CLEC17A: variants seen among roughly 807,000 people sequenced by gnomAD.
The protein encoded by CLEC17A is C-type lectin domain containing 17A, also known as C-type lectin domain family 17, member A.
In CLEC17A, 37 loss-of-function variants were observed where a neutral mutation model predicts 61.3. The ratio of observed to expected loss-of-function variants is 0.60; its 90% CI spans 0.46 to 0.79. CLEC17A has a LOEUF of 0.79. CLEC17A is among the 30% of genes least tolerant of loss of function. CLEC17A has a pLI of 0.00. For synonymous variants in CLEC17A, 168 were observed against 164.9 expected, an observed-to-expected ratio of 1.02 and a Z score of -0.14; for missense variants, 418 against 464.7, an observed-to-expected ratio of 0.90 and a Z score of 0.92.
At chr19:14,596,529 A>G (rs1043142335) in intron 8 of CLEC17A, among the ~76,000 whole-genome samples, 2 of 152,058 alleles carry the variant, frequency 1.3e-5, no homozygotes, top group Non-Finnish European at 2.9e-5. Context: ...AGCTACTTGA[A>G]AGGGTGAGGT....
At chr19:14,595,455 A>C (rs2074520413) in intron 8 of CLEC17A, 140 bp downstream of exon 8, 1 of 854,996 alleles carries the variant, frequency 1.2e-6, no homozygotes, top group African/African-American at 1.7e-5. Context: ...GTTCTGAGTT[A>C]GTCTAGTGAG....
At chr19:14,599,684 G>T in intron 10 of CLEC17A, 33 bp from the exon 11 acceptor site, 1 of 1,534,782 alleles carries the variant, frequency 6.5e-7, no homozygotes. Context: ...TGGGTTCTCA[G>T]TCTGTAGCCC....
chr19:14,592,320 A>G lies in CLEC17A; in HGVS notation c.239A>G (p.Asn80Ser). The change falls in exon 4 of 14, where the codon AAC (asparagine) becomes AGC (serine). Residue 80 changes from asparagine to serine, a missense_variant. Coordinates refer to ENST00000417570, the MANE Select transcript of CLEC17A (RefSeq NM_001204118.2). ...EEEEEDDDYE[N>S]STPPYKDLPP... is the part of the protein sequence containing the mutation. The stretch of plus-strand genomic sequence containing the variant: ...GAGGAGGAGGATGATGACTATGAGA[A>G]CTCAACACCTCCCTACAAGGACCTT... 3 of 1,604,224 alleles carry G rather than the reference A, an allele frequency of 1.9e-6. No individual in the cohort carries two copies. Among genetic ancestry groups the G allele is most frequent in the Non-Finnish European group, 2.6e-6 (3 of 1,175,372 alleles).
chr19:14,591,531 G>T (rs1002740476), intron 3 of CLEC17A, among the ~76,000 whole-genome samples: 4 of 150,480 alleles, frequency 2.7e-5, no homozygotes, highest in Non-Finnish European at 5.9e-5. Flanking sequence ...TGCAATGGGG[G>T]CTATTGTCAT....
At chr19:14,592,929 G>C (rs145633108) in intron 4 of CLEC17A, among the ~76,000 whole-genome samples, 2 of 152,094 alleles carry the variant, frequency 1.3e-5, no homozygotes, top group African/African-American at 4.8e-5. Flanking sequence ...GCATCCCAAA[G>C]TGCTGGGATT....
intron 4 of CLEC17A, 87 bp from the exon 5 acceptor site, chr19:14,594,430 A>C: frequency 2.7e-6 from 4 of 1,493,938 alleles, no homozygotes; most frequent in Non-Finnish European, 3.6e-6. Context: ...CCAATCCTCC[A>C]CTGCAATCCT....
chr19:14,599,942 A>C (rs1028395574), intron 11 of CLEC17A, 89 bp from the exon 12 acceptor site: 1 of 1,544,084 alleles, frequency 6.5e-7, no homozygotes, highest in African/African-American at 1.4e-5. Context: ...GGAGTTGAGC[A>C]GTGTACAGCC....
chr19:14,597,755 A>T (rs2074584561), intron 10 of CLEC17A, among the ~76,000 whole-genome samples: 1 of 151,482 alleles, frequency 6.6e-6, no homozygotes, highest in Admixed American at 6.6e-5. Context: ...GCATGCCATC[A>T]CACCCGGCTG....
At chr19:14,582,677 G>A (rs187637937), upstream of CLEC17A, among the ~76,000 whole-genome samples, 6 of 152,010 alleles carry the variant, frequency 3.9e-5, 1 homozygote, top group South Asian at 6.2e-4. Flanking sequence ...GCGTGATCTC[G>A]GCTAACTGCA....
At chr19:14,600,337 T>G (rs2074672898) in intron 12 of CLEC17A, among the ~76,000 whole-genome samples, 155 bp downstream of exon 12, 1 of 152,340 alleles carries the variant, frequency 6.6e-6, no homozygotes, top group East Asian at 1.9e-4. Context: ...GGTAGTATCA[T>G]GCAGAGGTTA....
At chr19:14,585,259 T>A (rs1460046795) in intron 2 of CLEC17A, among the ~76,000 whole-genome samples, 2 of 152,216 alleles carry the variant, frequency 1.3e-5, no homozygotes, top group Non-Finnish European at 2.9e-5. Context: ...AGCCTTGAGC[T>A]CCTGGGTCCA....
In CLEC17A at chr19:14,610,104, G is replaced by C; in HGVS notation, c.1045G>C (p.Asp349His). 1 of 1,612,982 alleles carries C rather than the reference G, an allele frequency of 6.2e-7. No homozygotes were observed. The highest frequency in any genetic ancestry group is 8.5e-7 in the Non-Finnish European group (1 of 1,179,514). Residue 349 changes from aspartate to histidine, a missense_variant, in exon 14 of 14, where the codon GAC becomes CAC. By Grantham distance (81) the Asp-to-His change is moderately conservative (BLOSUM62 -1). Coordinates refer to ENST00000417570, the MANE Select transcript of CLEC17A (RefSeq NM_001204118.2). ...PEEPNNIHDE[D>H]CATMNKGGTW... is the part of the protein sequence containing the mutation. ...GGAACCCAATAACATCCACGATGAG[G>C]ACTGTGCTACCATGAACAAAGGTGG...
intron 13 of CLEC17A, among the ~76,000 whole-genome samples, chr19:14,607,379 A>AT (rs1373187217): frequency 4.0e-5 from 6 of 149,552 alleles, no homozygotes; most frequent in Admixed American, 6.7e-5. Flanking sequence ...AATTTTTTGT[A>AT]TTTTTAGTAG....
Position 14,611,590 on chromosome 19 carries a change from C to T in CLEC17A, c.*1394C>T, listed in dbSNP as rs1284824824. ...GCATACCAGCTGAAAAGCAAGACCC[C>T]TACATAGTGTGGCCAGGCAGGCCAT... On this transcript the variant is annotated 3_prime_UTR_variant, in exon 14 of 14. Coordinates refer to ENST00000417570, the MANE Select transcript of CLEC17A (RefSeq NM_001204118.2). Among the ~76,000 whole-genome samples the T allele has an allele frequency of 6.6e-6, 1 of 152,008 alleles. No individual in the cohort carries two copies. The highest frequency in any genetic ancestry group is 1.9e-4 in the East Asian group (1 of 5,186).
At chr19:14,590,411 G>A (rs1200036952) in intron 3 of CLEC17A, among the ~76,000 whole-genome samples, 1 of 147,150 alleles carries the variant, frequency 6.8e-6, no homozygotes, top group African/African-American at 2.5e-5. Flanking sequence ...TTCTTGAGAC[G>A]GAGTTTCACT....
chr19:14,591,898 ATGTGTGTGTGTGTGTGTGTGTG>A (rs747656450), intron 3 of CLEC17A, among the ~76,000 whole-genome samples: 8 of 138,948 alleles, frequency 5.8e-5, no homozygotes, highest in African/African-American at 2.2e-4. Flanking sequence ...CCGGAGAAAA[ATGTGTGTGTGTGTGTGTGTGTG>A]TGTGTGTGTG....
chr19:14,599,572 T>C (rs551102264), intron 10 of CLEC17A, 145 bp from the exon 11 acceptor site: 1 of 712,322 alleles, frequency 1.4e-6, no homozygotes, highest in East Asian at 2.7e-5. Flanking sequence ...GTACATGTGG[T>C]TTTTGAGCGC....
rs1272511161 is a variant in CLEC17A, at chr19:14,597,076, T to G, written c.584-23T>G. 6.2e-6 allele frequency: 10 copies of G among 1,612,314 alleles called. No homozygotes were observed. The African/African-American group carries it at 1.3e-4, about 22-fold the overall frequency. On this transcript the variant is annotated intron_variant, in intron 9 of 13. Coordinates refer to ENST00000417570, the MANE Select transcript of CLEC17A (RefSeq NM_001204118.2). ...GGAGGGTGCACAGGAGGACCTGGGC[T>G]CAATTTGGACTCTTCTTCATAGACC...
In CLEC17A at chr19:14,607,066, A is replaced by C; in HGVS notation, c.968A>C (p.Asp323Ala). 7.4e-7 allele frequency: 1 copy of C among 1,345,612 alleles called. No individual in the cohort carries two copies. The highest frequency in any genetic ancestry group is 9.6e-7 in the Non-Finnish European group (1 of 1,041,270). The allele number at this position is 1,345,612 out of a possible 1,614,324, so 83.4% of individuals were successfully genotyped here. The change falls in exon 13 of 14, where the codon GAC (aspartate) becomes GCC (alanine). Residue 323 changes from aspartate to alanine, a missense_variant. By Grantham distance (126) the Asp-to-Ala change is moderately radical. Coordinates refer to ENST00000417570, the MANE Select transcript of CLEC17A (RefSeq NM_001204118.2). ...CTGAATGACAGGGCCCAGGAAGGGG[A>C]CTGGAGGTGGCTGGATGGGTCTCCT... Reference protein sequence around the residue: ...LGLNDRAQEGDWRWLDGSPVT... With the variant: ...LGLNDRAQEGAWRWLDGSPVT...
Sources: allele counts gnomAD v4.1 joint callset (sites outside exome capture counted in the v4.1 genomes callset), GRCh38; gene constraint gnomAD v4.1.1; transcripts MANE v1.5; gene names NCBI Gene and HGNC (gene_info 2026-07-23, HGNC 2026-07-21).